Variants in ROBO1 observed in about 807,000 individuals in gnomAD.
ROBO1 encodes the protein roundabout homolog 1.
Under a neutral mutation model 195.9 loss-of-function variants are expected in ROBO1, and 149 were observed. The observed-to-expected ratio is 0.76, with a 90% CI of 0.67 to 0.87. The LOEUF (loss-of-function observed/expected upper bound fraction) is 0.87, where lower values mean the gene tolerates loss of function less well. ROBO1 is among the 40% of genes least tolerant of loss of function. The pLI, the probability that ROBO1 is intolerant of heterozygous loss-of-function variation, is 0.00. For missense variants in ROBO1, 1,933 were observed against 2,068.3 expected, an observed-to-expected ratio of 0.93 and a Z score of 1.27; for synonymous variants, 816 against 733.2, an observed-to-expected ratio of 1.11 and a Z score of -1.82.
chr3:79,059,789 C>T (rs1186096683), intron 3 of ROBO1, among the ~76,000 whole-genome samples: 1 of 151,920 alleles, frequency 6.6e-6, no homozygotes, highest in Non-Finnish European at 1.5e-5. Flanking sequence ...ATGTATGTTG[C>T]CTCAGGACCC....
chr3:79,080,332 A>G (rs2079249461), intron 3 of ROBO1, among the ~76,000 whole-genome samples: 1 of 151,878 alleles, frequency 6.6e-6, no homozygotes, highest in Non-Finnish European at 1.5e-5. Flanking sequence ...CTGTCTTCTC[A>G]TTGTCCATGA....
chr3:78,773,834 T>C (rs975144242), intron 4 of ROBO1, among the ~76,000 whole-genome samples: 1 of 152,184 alleles, frequency 6.6e-6, no homozygotes, highest in African/African-American at 2.4e-5. Flanking sequence ...TTACCCATCA[T>C]ATTAGTTTTA....
intron 2 of ROBO1, among the ~76,000 whole-genome samples, chr3:79,239,621 A>G (rs1241870143): frequency 6.6e-6 from 1 of 152,220 alleles, no homozygotes; most frequent in African/African-American, 2.4e-5. Context: ...CTAACCATCT[A>G]TCTGATGGGA....
intron 4 of ROBO1, among the ~76,000 whole-genome samples, chr3:78,807,155 C>A (rs2084570388): frequency 6.6e-6 from 1 of 152,040 alleles, no homozygotes; most frequent in Non-Finnish European, 1.5e-5. Context: ...TTCTGAGTTG[C>A]TATCAGAGCA....
At chr3:78,712,725 T>A (rs1013481510) in intron 8 of ROBO1, among the ~76,000 whole-genome samples, 2 of 152,316 alleles carry the variant, frequency 1.3e-5, no homozygotes, top group Non-Finnish European at 1.5e-5. Flanking sequence ...TCCTTTGAAA[T>A]CCAGGCTTAG....
intron 1 of ROBO1, among the ~76,000 whole-genome samples, chr3:79,619,577 A>G (rs1333745026): frequency 1.3e-5 from 2 of 152,076 alleles, no homozygotes; most frequent in African/African-American, 4.8e-5. Context: ...TTGTTCCACG[A>G]CTAGCTCTCC....
intron 3 of ROBO1, among the ~76,000 whole-genome samples, chr3:79,100,869 C>A (rs972908346): frequency 2.0e-5 from 3 of 151,794 alleles, no homozygotes; most frequent in African/African-American, 7.3e-5. Context: ...AAGCTTGAGG[C>A]ACCACTGTTT....
chr3:78,846,616 CACT>C (rs2033687738), intron 4 of ROBO1, among the ~76,000 whole-genome samples: 1 of 151,946 alleles, frequency 6.6e-6, no homozygotes, highest in Non-Finnish European at 1.5e-5. Flanking sequence ...GACATTCCAC[CACT>C]ATCAGATCAT....
At chr3:78,717,541 C>A in intron 6 of ROBO1, 128 bp from the exon 7 acceptor site, 1 of 935,896 alleles carries the variant, frequency 1.1e-6, no homozygotes, top group South Asian at 1.7e-5. Flanking sequence ...ACAGAGTCCC[C>A]TCATTCTAGA....
At chr3:79,134,136 C>A (rs2080350423) in intron 2 of ROBO1, among the ~76,000 whole-genome samples, 2 of 145,248 alleles carry the variant, frequency 1.4e-5, no homozygotes, top group African/African-American at 2.6e-5. Flanking sequence ...GCAACCTACT[C>A]ATCTGACAAA....
intron 1 of ROBO1, among the ~76,000 whole-genome samples, chr3:79,752,844 A>G (rs899570759): frequency 2.0e-5 from 3 of 152,192 alleles, no homozygotes; most frequent in African/African-American, 7.2e-5. Context: ...TATGACTGAG[A>G]TACAATTTTA....
intron 1 of ROBO1, among the ~76,000 whole-genome samples, chr3:79,692,241 G>C (rs1330939007): frequency 6.6e-6 from 1 of 151,898 alleles, no homozygotes; most frequent in Non-Finnish European, 1.5e-5. Flanking sequence ...CATAGGCAAA[G>C]CTGGAGAGTT....
intron 4 of ROBO1, among the ~76,000 whole-genome samples, chr3:78,875,340 A>G (rs994716530): frequency 6.6e-6 from 1 of 152,040 alleles, no homozygotes; most frequent in Non-Finnish European, 1.5e-5. Context: ...ATCAAATGAC[A>G]TGGAGAAAGA....
rs536856395 is a variant in ROBO1, at chr3:79,521,273, A to G, written c.88+68551T>C. Among the ~76,000 whole-genome samples the G allele has an allele frequency of 3.3e-5, 5 of 152,308 alleles. No individual in the cohort carries two copies. In the South Asian group the frequency reaches 1.0e-3, roughly 32 times the overall value. On this transcript the variant is annotated intron_variant, in intron 2 of 30. Transcript: ENST00000464233. ...TCAAAGAAAGCATCATCTTGCCTTA[A>G]ATGTCTGACTATTTATCAAGAAAAT...
chr3:78,896,658 CAAAAAAAAA>C (rs142287501), intron 4 of ROBO1, among the ~76,000 whole-genome samples: 2 of 65,926 alleles, frequency 3.0e-5, no homozygotes, highest in South Asian at 5.8e-4. Flanking sequence ...TTGTTGCTCA[CAAAAAAAAA>C]AAAAAAAAAA....
chr3:79,389,065 T>A (rs1486969238), intron 2 of ROBO1, among the ~76,000 whole-genome samples: 1 of 152,072 alleles, frequency 6.6e-6, no homozygotes, highest in Non-Finnish European at 1.5e-5. Context: ...TTAGTATGAT[T>A]TCAAGTATAC....
chr3:79,680,196 G>A (rs1946902025), intron 1 of ROBO1, among the ~76,000 whole-genome samples: 1 of 151,908 alleles, frequency 6.6e-6, no homozygotes, highest in Non-Finnish European at 1.5e-5. Flanking sequence ...GTCTAGAAGT[G>A]ACACTTATCA....
chr3:79,711,959 A>T (rs1702295743), intron 1 of ROBO1, among the ~76,000 whole-genome samples: 1 of 149,146 alleles, frequency 6.7e-6, no homozygotes, highest in South Asian at 2.1e-4. Context: ...CTTTGCCCGT[A>T]TAGGACAGGA....
intron 1 of ROBO1, among the ~76,000 whole-genome samples, chr3:79,627,207 A>G (rs988447904): frequency 5.9e-5 from 9 of 152,172 alleles, no homozygotes; most frequent in African/African-American, 1.4e-4. Context: ...ACCCTAAGCA[A>G]AAAGAACAAA....
Sources: gnomAD v4.1 joint callset for allele counts (sites outside exome capture counted in the v4.1 genomes callset) on GRCh38, gnomAD v4.1.1 for gene constraint, MANE v1.5 for transcripts, NCBI Gene and HGNC (gene_info 2026-07-23, HGNC 2026-07-21) for gene names.